ARFGEF2: variants seen among roughly 807,000 people sequenced by gnomAD.
ARFGEF2 encodes the protein brefeldin A-inhibited guanine nucleotide-exchange protein 2.
In ARFGEF2, 74 loss-of-function variants were observed where a neutral mutation model predicts 219.9. The ratio of observed to expected loss-of-function variants is 0.34; its 90% CI spans 0.28 to 0.41. ARFGEF2 has a LOEUF of 0.41. Ranked by LOEUF, ARFGEF2 falls within the 10% of genes least tolerant of loss-of-function variation. The pLI, the probability that ARFGEF2 is intolerant of heterozygous loss-of-function variation, is 1.00. For missense variants in ARFGEF2, 1,743 were observed against 2,218.3 expected, an observed-to-expected ratio of 0.79 and a Z score of 4.30; for synonymous variants, 733 against 799.2, an observed-to-expected ratio of 0.92 and a Z score of 1.40.
rs528462235 is a variant in ARFGEF2 at position 49,036,383 on chromosome 20, A to T, written c.*3184A>T. The T allele has an allele frequency of 1.8e-5, 7 of 396,646 alleles. No homozygotes were observed. Among genetic ancestry groups the T allele is most frequent in the South Asian group, 1.4e-4 (1 of 7,098 alleles). 24.6% of individuals were successfully genotyped at this position (396,646 alleles called of 1,614,324 possible). ...TGTTTTACTCAGTGTTCTAATTTTT[A>T]AAAAATTTTATCTGCATATTTGCAT... On this transcript the variant is annotated 3_prime_UTR_variant, in exon 39 of 39. Coordinates refer to ENST00000371917, the MANE Select transcript of ARFGEF2 (RefSeq NM_006420.3).
intron 14 of ARFGEF2, among the ~76,000 whole-genome samples, chr20:48,977,790 T>C (rs1311952586): frequency 6.6e-6 from 1 of 152,284 alleles, no homozygotes; most frequent in Non-Finnish European, 1.5e-5. Context: ...GAGCAGTGTC[T>C]GTTCATATCC....
At position 48,996,202 on chromosome 20, in the gene ARFGEF2, T is replaced by A. The variant is rs541970048; in HGVS notation, c.3221+320T>A. Among the ~76,000 whole-genome samples, 221 of 152,238 alleles carry A rather than the reference T, an allele frequency of 1.5e-3. 1 individual carries two copies. The highest frequency in any genetic ancestry group is 0.01 in the Middle Eastern group (3 of 292). ...AGCCTACCCATGCTCACGCCTGTAA[T>A]CCCAGCACTTTGGGAGGTCAAGGCA... On this transcript the variant is annotated intron_variant, in intron 23 of 38. Coordinates refer to ENST00000371917, the MANE Select transcript of ARFGEF2 (RefSeq NM_006420.3).
chr20:48,963,770 C>T, intron 6 of ARFGEF2, 60 bp from the exon 7 acceptor site: 1 of 1,539,884 alleles, frequency 6.5e-7, no homozygotes, highest in Non-Finnish European at 9.0e-7. Flanking sequence ...CTTTTCCTCT[C>T]TTCCTTTGTT....
intron 22 of ARFGEF2, among the ~76,000 whole-genome samples, chr20:48,995,323 A>G (rs1378649925): frequency 6.6e-6 from 1 of 152,162 alleles, no homozygotes; most frequent in Non-Finnish European, 1.5e-5. Context: ...GGAATAGTAC[A>G]GTGTCATGGT....
At chr20:48,943,215 A>C (rs551148281) in intron 3 of ARFGEF2, among the ~76,000 whole-genome samples, 2 of 152,336 alleles carry the variant, frequency 1.3e-5, no homozygotes, top group African/African-American at 4.8e-5. Context: ...CAGGAACATG[A>C]ACATCAAGTG....
intron 25 of ARFGEF2, among the ~76,000 whole-genome samples, chr20:49,004,339 A>C (rs2091443293): frequency 6.6e-6 from 1 of 152,058 alleles, no homozygotes; most frequent in Non-Finnish European, 1.5e-5. Context: ...TTATCTTAAA[A>C]GAAACAAGAA....
At chr20:49,023,759 C>A (rs1482738099) in intron 35 of ARFGEF2, among the ~76,000 whole-genome samples, 2 of 150,994 alleles carry the variant, frequency 1.3e-5, no homozygotes, top group East Asian at 3.9e-4. Context: ...AGGATGGTCT[C>A]GATCTCCTGA....
intron 21 of ARFGEF2, 60 bp downstream of exon 21, chr20:48,991,258 C>T: frequency 6.2e-7 from 1 of 1,600,116 alleles, no homozygotes; most frequent in Non-Finnish European, 8.6e-7. Flanking sequence ...TCCTTTTATT[C>T]ATTGTTGATC....
intron 1 of ARFGEF2, among the ~76,000 whole-genome samples, chr20:48,935,586 C>T: frequency 6.6e-6 from 1 of 152,270 alleles, no homozygotes; most frequent in East Asian, 1.9e-4. Context: ...GTCATCATGG[C>T]CCGTTCTCAA....
chr20:48,937,295 G>A (rs960576544), intron 1 of ARFGEF2, among the ~76,000 whole-genome samples: 1 of 152,204 alleles, frequency 6.6e-6, no homozygotes. Context: ...GAGTCAGGCC[G>A]CCCTCTCCCA....
At position 48,984,873 on chromosome 20, in the gene ARFGEF2, G is replaced by A. The variant is rs1391639326; in HGVS notation, c.2070+33G>A. 5 of 1,611,912 alleles carry A rather than the reference G, an allele frequency of 3.1e-6. No homozygotes were observed. In the African/African-American group the frequency reaches 5.3e-5, roughly 17 times the overall value. ...TTGGGGGTGTAGCACTTGCATGTGAGTTCTGTCAGGTGATTGTGAGCCCTT... is the reference window on the plus strand; with the variant it reads ...TTGGGGGTGTAGCACTTGCATGTGAATTCTGTCAGGTGATTGTGAGCCCTT... On this transcript the variant is annotated intron_variant, in intron 15 of 38. Transcript: ENST00000371917.
At chr20:48,991,283 C>G in intron 21 of ARFGEF2, 85 bp downstream of exon 21, 1 of 1,577,504 alleles carries the variant, frequency 6.3e-7, no homozygotes, top group Non-Finnish European at 8.7e-7. Flanking sequence ...TTGGTCAGTT[C>G]TGTTTTTCTT....
At chr20:48,923,014 C>T (rs2090853227) in intron 1 of ARFGEF2, among the ~76,000 whole-genome samples, 2 of 152,214 alleles carry the variant, frequency 1.3e-5, no homozygotes, top group Admixed American at 6.5e-5. Context: ...GGACTGCTTT[C>T]CATGGTCAGG....
chr20:48,938,980 G>GTTT (rs1381256978), intron 1 of ARFGEF2, among the ~76,000 whole-genome samples: 12 of 133,544 alleles, frequency 9.0e-5, no homozygotes, highest in Admixed American at 1.6e-4. Flanking sequence ...TTTTTTGTTT[G>GTTT]TTTTTTTTTT....
intron 8 of ARFGEF2, among the ~76,000 whole-genome samples, chr20:48,967,240 C>T (rs2091193811): frequency 6.6e-6 from 1 of 152,174 alleles, no homozygotes; most frequent in Non-Finnish European, 1.5e-5. Flanking sequence ...GTTTACTCAA[C>T]ACTATATGAT....
At chr20:48,989,210 CT>C in intron 18 of ARFGEF2, 74 bp from the exon 19 acceptor site, 2 of 1,523,532 alleles carry the variant, frequency 1.3e-6, no homozygotes. Context: ...CATTGTGCAT[CT>C]TTTGAAACAG....
intron 8 of ARFGEF2, among the ~76,000 whole-genome samples, chr20:48,968,507 A>G (rs1311442274): frequency 6.6e-6 from 1 of 151,546 alleles, no homozygotes; most frequent in African/African-American, 2.4e-5. Context: ...GGTTCAAGCG[A>G]TTCTCCTGTC....
chr20:49,026,584 C>CT (rs540361594), intron 36 of ARFGEF2, among the ~76,000 whole-genome samples: 5,246 of 131,500 alleles, frequency 0.04, 200 homozygotes, highest in South Asian at 0.1. Flanking sequence ...TTTACCATTA[C>CT]TTTTTTTTTT....
intron 1 of ARFGEF2, 36 bp from the exon 2 acceptor site, chr20:48,941,163 A>G (rs1459389658): frequency 3.1e-6 from 5 of 1,601,426 alleles, no homozygotes; most frequent in African/African-American, 1.3e-5. Flanking sequence ...TAAATGTTGC[A>G]TTTTCCTAAT....
Sources: allele counts gnomAD v4.1 joint callset (sites outside exome capture counted in the v4.1 genomes callset), GRCh38; gene constraint gnomAD v4.1.1; transcripts MANE v1.5; gene names NCBI Gene and HGNC (gene_info 2026-07-23, HGNC 2026-07-21).